Variants in PKHD1 observed in about 807,000 individuals in gnomAD.
PKHD1 encodes the protein PKHD1 ciliary IPT domain containing fibrocystin/polyductin, also known as fibrocystin.
In PKHD1, 291 loss-of-function variants were observed where a neutral mutation model predicts 412.0. The observed-to-expected ratio is 0.71, with a 90% CI of 0.64 to 0.78. The LOEUF (loss-of-function observed/expected upper bound fraction) is 0.78, where lower values mean the gene tolerates loss of function less well. Ranked by LOEUF, PKHD1 falls within the 30% of genes least tolerant of loss-of-function variation. The pLI is 0.00. For synonymous variants in PKHD1, 1,777 were observed against 1,821.5 expected, an observed-to-expected ratio of 0.98 and a Z score of 0.62; for missense variants, 4,825 against 4,950.7, an observed-to-expected ratio of 0.97 and a Z score of 0.76.
intron 53 of PKHD1, among the ~76,000 whole-genome samples, chr6:51,779,957 C>T (rs552304206): frequency 6.6e-6 from 1 of 152,152 alleles, no homozygotes; most frequent in South Asian, 2.1e-4. Context: ...AGCAGTTTAA[C>T]AAATTTTTAA....
At chr6:51,922,155 C>A (rs1300872010) in intron 37 of PKHD1, among the ~76,000 whole-genome samples, 1 of 152,074 alleles carries the variant, frequency 6.6e-6, no homozygotes, top group Non-Finnish European at 1.5e-5. Context: ...CTGTTCCTTT[C>A]TGTTAGTTTT....
intron 32 of PKHD1, among the ~76,000 whole-genome samples, chr6:52,023,292 G>A (rs1401894215): frequency 6.6e-6 from 1 of 152,064 alleles, no homozygotes; most frequent in Non-Finnish European, 1.5e-5. Flanking sequence ...CCTCCCCGGA[G>A]GTACCCAGGT....
Position 52,028,310 on chromosome 6 carries a change from A to T in PKHD1, c.3406T>A (p.Tyr1136Asn), listed in dbSNP as rs369489244. 1.8e-5 allele frequency: 29 copies of T among 1,613,954 alleles called. No individual in the cohort carries two copies. Among genetic ancestry groups the T allele is most frequent in the Admixed American group, 1.3e-4 (8 of 60,004 alleles). Residue 1136 changes from tyrosine to asparagine, a missense_variant, in exon 30 of 67, where the codon TAT becomes AAT. Transcript: ENST00000371117. ...TGGACTTCCACATCCAAATCCGTAT[A>T]GTTCATCAGCCTCGCCACTCCAATG... Reference protein sequence around the residue: ...LVIGVARLMNYTDLDVEVHVQ... With the variant: ...LVIGVARLMNNTDLDVEVHVQ...
chr6:51,807,479 A>ATGTGTGTGTGTG (rs1216842472), intron 52 of PKHD1, among the ~76,000 whole-genome samples: 2 of 103,488 alleles, frequency 1.9e-5, no homozygotes, highest in African/African-American at 9.9e-5. Context: ...ATATATATAT[A>ATGTGTGTGTGTG]TGTATATGTG....
chr6:52,024,386 A>T (rs914538634), intron 32 of PKHD1, among the ~76,000 whole-genome samples, 188 bp downstream of exon 32: 3 of 152,080 alleles, frequency 2.0e-5, no homozygotes, highest in Non-Finnish European at 4.4e-5. Flanking sequence ...TGATAAAAAT[A>T]AAAAAAATCT....
chr6:51,631,463 T>C (rs1767910288), intron 65 of PKHD1, among the ~76,000 whole-genome samples: 2 of 152,156 alleles, frequency 1.3e-5, no homozygotes, highest in Non-Finnish European at 2.9e-5. Flanking sequence ...TTCCCAAGCA[T>C]CTCTCAGAGC....
chr6:51,868,071 T>A lies in PKHD1; in HGVS notation c.7525A>T (p.Asn2509Tyr), dbSNP rs1408534572. 1.2e-6 allele frequency: 2 copies of A among 1,611,626 alleles called. No homozygotes were observed. The highest frequency in any genetic ancestry group is 1.7e-6 in the Non-Finnish European group (2 of 1,177,944). The change falls in exon 48 of 67, where the codon AAC becomes TAC. Residue 2509 changes from asparagine to tyrosine, a missense_variant. Transcript: ENST00000371117. ...GGAAATGCCACTAAGTTTGAAGAGTTTGTAAACTTCAACTGGCTGGTCTTC... is the reference window on the plus strand; with the variant it reads ...GGAAATGCCACTAAGTTTGAAGAGTATGTAAACTTCAACTGGCTGGTCTTC... ...TVKTSQLKFTNSSNLVAFPFP... is the reference protein window; with the variant it reads ...TVKTSQLKFTYSSNLVAFPFP...
chr6:51,924,502 C>G (rs924168144), intron 37 of PKHD1, among the ~76,000 whole-genome samples: 1 of 152,130 alleles, frequency 6.6e-6, no homozygotes, highest in African/African-American at 2.4e-5. Context: ...ACAATATAAA[C>G]AGATTTGTGT....
rs58801569 is a variant in PKHD1 at position 51,794,047 on chromosome 6, CT to C, written c.8303-2675del. On this transcript the variant is annotated intron_variant, in intron 52 of 66. Transcript: ENST00000371117. ...CTTACCAGCATCTGTTGCTTTTTGA[CT>C]TTTTTTTTTTTTTTTTTTGAGATGG... is the stretch of plus-strand genomic sequence containing the variant. 7.1e-3 allele frequency among the ~76,000 whole-genome samples: 885 copies of C among 124,114 alleles called. 5 individuals are homozygous for C. The highest frequency in any genetic ancestry group is 0.021 in the African/African-American group (711 of 33,840). 81.4% of individuals were successfully genotyped at this position (124,114 alleles called of 152,430 possible). A position where few individuals can be genotyped will look rare whatever the true frequency, so the allele number is the denominator to read the frequency against.
At chr6:51,780,728 G>A (rs1791850910) in intron 53 of PKHD1, among the ~76,000 whole-genome samples, 1 of 151,984 alleles carries the variant, frequency 6.6e-6, no homozygotes, top group Non-Finnish European at 1.5e-5. Flanking sequence ...TGTTGTATAT[G>A]TGTGTCATTT....
intron 37 of PKHD1, among the ~76,000 whole-genome samples, chr6:51,915,515 A>G (rs1266875): frequency 0.49 from 74,046 of 151,430 alleles, 19,734 homozygotes; most frequent in East Asian, 0.87. Context: ...CCATAAATAC[A>G]TCCTGAATGC....
At chr6:51,689,165 A>T (rs557051535) in intron 60 of PKHD1, among the ~76,000 whole-genome samples, 1 of 152,374 alleles carries the variant, frequency 6.6e-6, no homozygotes, top group East Asian at 1.9e-4. Context: ...AGTAGTCTTC[A>T]TCCTCAGGAT....
intron 52 of PKHD1, among the ~76,000 whole-genome samples, chr6:51,817,535 C>T (rs1043278300): frequency 5.3e-5 from 8 of 152,106 alleles, no homozygotes; most frequent in African/African-American, 1.7e-4. Context: ...GGACTACAGC[C>T]GTGTCCCCAG....
At chr6:51,927,605 T>G (rs1785876515) in intron 37 of PKHD1, among the ~76,000 whole-genome samples, 1 of 152,154 alleles carries the variant, frequency 6.6e-6, no homozygotes, top group Non-Finnish European at 1.5e-5. Context: ...GAAAGAGGGC[T>G]GCATAAGTAT....
intron 4 of PKHD1, 90 bp from the exon 5 acceptor site, chr6:52,080,098 C>A: frequency 1.3e-6 from 1 of 794,522 alleles, no homozygotes; most frequent in Non-Finnish European, 2.3e-6. Flanking sequence ...TTCCTCCTTG[C>A]ACTTTTAAAA....
At chr6:51,925,627 G>T (rs1353030053) in intron 37 of PKHD1, among the ~76,000 whole-genome samples, 1 of 152,138 alleles carries the variant, frequency 6.6e-6, no homozygotes, top group African/African-American at 2.4e-5. Flanking sequence ...TGAGACATTG[G>T]TCTTATCTGG....
intron 49 of PKHD1, among the ~76,000 whole-genome samples, chr6:51,854,824 C>G (rs1334227381): frequency 2.0e-5 from 3 of 152,216 alleles, no homozygotes; most frequent in African/African-American, 7.2e-5. Flanking sequence ...GAAATGGGTG[C>G]TGCCTTTCCC....
chr6:52,080,378 G>T (rs549233058), intron 4 of PKHD1, among the ~76,000 whole-genome samples: 1 of 152,152 alleles, frequency 6.6e-6, no homozygotes, highest in Non-Finnish European at 1.5e-5. Context: ...AGCTTCAAAC[G>T]TTAAGGGCAA....
intron 61 of PKHD1, among the ~76,000 whole-genome samples, chr6:51,652,434 G>A (rs1188487276): frequency 1.3e-5 from 2 of 152,116 alleles, no homozygotes; most frequent in Admixed American, 6.6e-5. Context: ...GTGAGGTGAA[G>A]TTGGGGTGGA....
Sources: allele counts gnomAD v4.1 joint callset (sites outside exome capture counted in the v4.1 genomes callset), GRCh38; gene constraint gnomAD v4.1.1; transcripts MANE v1.5; gene names NCBI Gene and HGNC (gene_info 2026-07-23, HGNC 2026-07-21).